Variants in EEFSEC observed in about 807,000 individuals in gnomAD.
The protein encoded by EEFSEC is eukaryotic elongation factor, selenocysteine-tRNA specific, also known as selenocysteine-specific elongation factor.
Under a neutral mutation model 42.1 loss-of-function variants are expected in EEFSEC, and 43 were observed. The observed-to-expected ratio is 1.02, with a 90% CI of 0.80 to 1.32. The LOEUF (loss-of-function observed/expected upper bound fraction) is 1.32, where lower values mean the gene tolerates loss of function less well. EEFSEC is among the 40% of genes most tolerant of loss of function. EEFSEC has a pLI of 0.00. For synonymous variants in EEFSEC, 354 were observed against 339.1 expected (o/e 1.04, Z -0.48); for missense variants, 745 against 803.6 (o/e 0.93, Z 0.88).
chr3:128,267,380 T>G (rs1352829538), intron 4 of EEFSEC, among the ~76,000 whole-genome samples: 1 of 152,188 alleles, frequency 6.6e-6, no homozygotes, highest in Non-Finnish European at 1.5e-5. Context: ...TCCTTTTACT[T>G]TTGTGCACCT....
At chr3:128,186,758 T>G (rs1392864569) in intron 1 of EEFSEC, among the ~76,000 whole-genome samples, 1 of 152,262 alleles carries the variant, frequency 6.6e-6, no homozygotes, top group Non-Finnish European at 1.5e-5. Flanking sequence ...ATTCTCAATA[T>G]TTCATTGATT....
intron 1 of EEFSEC, among the ~76,000 whole-genome samples, chr3:128,198,339 T>C (rs1402366189): frequency 6.6e-6 from 1 of 152,260 alleles, no homozygotes; most frequent in Non-Finnish European, 1.5e-5. Context: ...TTACAGTGCC[T>C]CTTAGCATTT....
At position 128,264,629 on chromosome 3, in the gene EEFSEC, C is replaced by G; in HGVS notation, c.634C>G (p.Gln212Glu). ...TTCTCTTTTCTAGCTCCTGACGTCC[C>G]AGATTTCCATCCCAACGAGAGATCC... ...IPELIELLTS[Q>E]ISIPTRDPSG... The change falls in exon 4 of 7, where the codon CAG becomes GAG. Residue 212 changes from glutamine to glutamate, a missense_variant. Coordinates refer to ENST00000254730, the MANE Select transcript of EEFSEC (RefSeq NM_021937.5). The G allele has an allele frequency of 6.2e-7, 1 of 1,613,870 alleles. No individual in the cohort carries two copies. Among genetic ancestry groups the G allele is most frequent in the Non-Finnish European group, 8.5e-7 (1 of 1,179,864 alleles).
In EEFSEC at chr3:128,278,581, T is replaced by C. The variant is rs140794543; in HGVS notation, c.786+13800T>C. Reference sequence around the variant, plus strand: ...AAGTTTGGGATAGGACATATATTTATGTGCTGTTGGTGGCTCCAACCTTGG... The same window carrying C: ...AAGTTTGGGATAGGACATATATTTACGTGCTGTTGGTGGCTCCAACCTTGG... On this transcript the variant is annotated intron_variant, in intron 4 of 6. Coordinates refer to ENST00000254730, the MANE Select transcript of EEFSEC (RefSeq NM_021937.5). 2.5e-3 allele frequency among the ~76,000 whole-genome samples: 380 copies of C among 152,330 alleles called. 3 individuals are homozygous for C. Among genetic ancestry groups the C allele is most frequent in the Non-Finnish European group, 2.0e-3 (139 of 68,032 alleles).
In EEFSEC at chr3:128,177,839, A is replaced by G. The variant is rs150409611; in HGVS notation, c.316+24016A>G. 1.4e-4 allele frequency among the ~76,000 whole-genome samples: 21 copies of G among 152,352 alleles called. No individual in the cohort carries two copies. The East Asian group carries it at 2.7e-3, about 20-fold the overall frequency. On this transcript the variant is annotated intron_variant, in intron 1 of 6. Transcript: ENST00000254730. ...TTTGCTTTTATAAATAGGAAAATTG[A>G]TTTGCAAAGAGATGAAGGCAGAGTA...
the EEFSEC span, among the ~76,000 whole-genome samples, chr3:128,423,904 G>A: frequency 6.6e-6 from 1 of 152,254 alleles, no homozygotes; most frequent in Admixed American, 6.5e-5. Flanking sequence ...GCCAATGCCT[G>A]GGGGCAACCC....
chr3:128,245,833 A>G (rs1474729602), intron 1 of EEFSEC, among the ~76,000 whole-genome samples: 1 of 152,100 alleles, frequency 6.6e-6, no homozygotes, highest in African/African-American at 2.4e-5. Flanking sequence ...GAAAAAAGAA[A>G]GGCCCTCCCT....
intron 4 of EEFSEC, among the ~76,000 whole-genome samples, chr3:128,303,793 G>A (rs868531349): frequency 6.6e-6 from 1 of 151,974 alleles, no homozygotes; most frequent in Non-Finnish European, 1.5e-5. Context: ...TCACCCATAC[G>A]TTCTTCTGAA....
chr3:128,194,572 A>G (rs373193486), intron 1 of EEFSEC, among the ~76,000 whole-genome samples: 173 of 152,352 alleles, frequency 1.1e-3, no homozygotes, highest in African/African-American at 4.1e-3. Flanking sequence ...ATAATCTGAA[A>G]TGAGCCAGAG....
intron 4 of EEFSEC, among the ~76,000 whole-genome samples, chr3:128,308,427 CA>C (rs2066855380): frequency 6.6e-6 from 1 of 152,186 alleles, no homozygotes; most frequent in Admixed American, 6.5e-5. Flanking sequence ...CTAGGCTCTC[CA>C]AGTACTAATT....
At chr3:128,290,340 T>A (rs1054717011) in intron 4 of EEFSEC, among the ~76,000 whole-genome samples, 4 of 152,130 alleles carry the variant, frequency 2.6e-5, no homozygotes, top group African/African-American at 4.8e-5. Flanking sequence ...TTGAAAAAAA[T>A]TTGTCTTTCC....
At chr3:128,334,471 C>T (rs1006392770) in intron 4 of EEFSEC, among the ~76,000 whole-genome samples, 2 of 152,236 alleles carry the variant, frequency 1.3e-5, no homozygotes, top group Admixed American at 6.5e-5. Flanking sequence ...GGCCGTGGAA[C>T]ATCAGGCCTG....
intron 4 of EEFSEC, among the ~76,000 whole-genome samples, chr3:128,298,501 T>C (rs992142579): frequency 6.6e-6 from 1 of 152,242 alleles, no homozygotes; most frequent in African/African-American, 2.4e-5. Flanking sequence ...ACATATGATA[T>C]TTTGATACAT....
At chr3:128,379,556 C>T (rs1309653893) in intron 6 of EEFSEC, among the ~76,000 whole-genome samples, 2 of 152,160 alleles carry the variant, frequency 1.3e-5, no homozygotes, top group Non-Finnish European at 2.9e-5. Flanking sequence ...TGGACAGAAA[C>T]CATCTGCTGG....
At chr3:128,314,086 G>A (rs187723547) in intron 4 of EEFSEC, among the ~76,000 whole-genome samples, 12 of 152,290 alleles carry the variant, frequency 7.9e-5, no homozygotes, top group East Asian at 1.9e-4. Context: ...GGAATCTACC[G>A]TAAGGACATG....
chr3:128,197,761 G>T (rs924087669), intron 1 of EEFSEC, among the ~76,000 whole-genome samples: 3 of 152,078 alleles, frequency 2.0e-5, no homozygotes, highest in Non-Finnish European at 4.4e-5. Context: ...TGGATGCTGT[G>T]TTCTGCATCA....
intron 5 of EEFSEC, among the ~76,000 whole-genome samples, chr3:128,357,412 G>T (rs2067467504): frequency 6.6e-6 from 1 of 152,264 alleles, no homozygotes; most frequent in Non-Finnish European, 1.5e-5. Context: ...GGCCAACATG[G>T]CCAGCAGGAG....
At chr3:128,257,413 C>T (rs889415734) in intron 2 of EEFSEC, among the ~76,000 whole-genome samples, 3 of 152,176 alleles carry the variant, frequency 2.0e-5, no homozygotes, top group East Asian at 1.9e-4. Flanking sequence ...CTGCCCAGCT[C>T]GTCTTTTCTT....
chr3:128,318,816 C>T (rs1030749114), intron 4 of EEFSEC, among the ~76,000 whole-genome samples: 8 of 151,906 alleles, frequency 5.3e-5, no homozygotes, highest in Admixed American at 1.3e-4. Context: ...AGACGAGCAG[C>T]GGTTGATGCC....
Sources: gnomAD v4.1 joint callset for allele counts (sites outside exome capture counted in the v4.1 genomes callset) on GRCh38, gnomAD v4.1.1 for gene constraint, MANE v1.5 for transcripts, NCBI Gene and HGNC (gene_info 2026-07-23, HGNC 2026-07-21) for gene names.